COLEC12: variants seen among roughly 807,000 people sequenced by gnomAD.
The protein encoded by COLEC12 is collectin subfamily member 12.
COLEC12 carries 33 observed loss-of-function variants against 71.1 expected under a neutral mutation model. The observed-to-expected ratio is 0.46, with a 90% confidence interval of 0.35 to 0.62. The LOEUF is 0.62. Ranked by LOEUF, COLEC12 falls within the 20% of genes least tolerant of loss-of-function variation. COLEC12 has a pLI of 0.00. For missense variants in COLEC12, 765 were observed against 916.1 expected, an observed-to-expected ratio of 0.84 and a Z score of 2.13; for synonymous variants, 350 against 353.0, an observed-to-expected ratio of 0.99 and a Z score of 0.10.
chr18:478,132 C>G (rs988361418), intron 2 of COLEC12, among the ~76,000 whole-genome samples: 2 of 152,204 alleles, frequency 1.3e-5, no homozygotes, highest in African/African-American at 4.8e-5. Context: ...GCAGGGTCCC[C>G]CTCCACAACA....
chr18:492,383 C>G (rs550815925), intron 1 of COLEC12, among the ~76,000 whole-genome samples: 55 of 152,244 alleles, frequency 3.6e-4, no homozygotes, highest in Admixed American at 7.8e-4. Flanking sequence ...TACTTTTACC[C>G]CTAAGTTGGC....
chr18:332,900 T>C (rs1914016021), intron 7 of COLEC12, 107 bp downstream of exon 7: 1 of 1,018,758 alleles, frequency 9.8e-7, no homozygotes. Context: ...CATGTTTACG[T>C]GACTAGGAAT....
chr18:477,063 G>C (rs1198100065), intron 2 of COLEC12, among the ~76,000 whole-genome samples: 3 of 152,096 alleles, frequency 2.0e-5, no homozygotes, highest in Admixed American at 6.5e-5. Flanking sequence ...GAACAAGCTT[G>C]GTATATGGAA....
chr18:346,754 G>T lies in COLEC12; in HGVS notation c.868C>A (p.Leu290Ile). The T allele has an allele frequency of 6.2e-7, 1 of 1,614,216 alleles. No homozygotes were observed. The highest frequency in any genetic ancestry group is 1.1e-5 in the South Asian group (1 of 91,092). ...TCCATCTGACCTGTGAATGAGTTGA[G>T]CTGGCTGTTCATATCCTCCAGGGTG... ...NDTLEDMNSQ[L>I]NSFTGQMENI... is the part of the protein sequence containing the mutation. Residue 290 changes from leucine (L) to isoleucine (I), a missense_variant, in exon 5 of 10, where the codon CTC (leucine) becomes ATC (isoleucine). Physicochemically the swap from Leu to Ile is conservative, Grantham distance 5. Transcript: ENST00000400256. This position sits in a 1 kb window ranked among gnomAD's most constrained non-coding sequence, Gnocchi z 4.0.
intron 2 of COLEC12, among the ~76,000 whole-genome samples, chr18:384,578 A>T (rs766196711): frequency 3.3e-5 from 5 of 152,218 alleles, no homozygotes; most frequent in Non-Finnish European, 5.9e-5. Context: ...AGCAGGGAGT[A>T]GGAGGCACAG....
chr18:371,339 G>A (rs1914993998), intron 2 of COLEC12, among the ~76,000 whole-genome samples: 1 of 152,174 alleles, frequency 6.6e-6, no homozygotes, highest in African/African-American at 2.4e-5. Context: ...GCTTTATCCA[G>A]AGGACTACTG....
At chr18:487,914 T>C (rs72856645) in intron 1 of COLEC12, among the ~76,000 whole-genome samples, 5,319 of 152,266 alleles carry the variant, frequency 0.035, 126 homozygotes, top group South Asian at 0.077. Context: ...AATAAGACAG[T>C]TGAGGGTCAT....
intron 2 of COLEC12, among the ~76,000 whole-genome samples, chr18:411,457 G>A (rs1000833189): frequency 6.6e-6 from 1 of 152,040 alleles, no homozygotes; most frequent in African/African-American, 2.4e-5. Context: ...TCACTTCAAT[G>A]AGCAATTATT....
chr18:428,319 C>G (rs144716896), intron 2 of COLEC12, among the ~76,000 whole-genome samples: 3 of 151,906 alleles, frequency 2.0e-5, no homozygotes, highest in Admixed American at 2.0e-4. Context: ...TTACCACAGG[C>G]CTTGCCTTGT....
intron 5 of COLEC12, among the ~76,000 whole-genome samples, chr18:340,074 C>CAAAAAAAAAAAAAAAA (rs60991743): frequency 2.2e-3 from 210 of 94,116 alleles, no homozygotes; most frequent in Non-Finnish European, 2.8e-3. Context: ...TGCCTGAAAG[C>CAAAAAAAAAAAAAAAA]AAAAAAAAAA....
chr18:322,885 A>G (rs1249618055), intron 8 of COLEC12, among the ~76,000 whole-genome samples: 13 of 152,204 alleles, frequency 8.5e-5, no homozygotes, highest in Non-Finnish European at 1.9e-4. Context: ...GGGACAGGGT[A>G]GAACTGACTC....
At chr18:368,583 G>C (rs1223499913) in intron 2 of COLEC12, among the ~76,000 whole-genome samples, 1 of 150,928 alleles carries the variant, frequency 6.6e-6, no homozygotes, top group African/African-American at 2.4e-5. Flanking sequence ...AACAAAACAA[G>C]GCCGGGCGCG....
chr18:378,066 C>T (rs1192174208), intron 2 of COLEC12, among the ~76,000 whole-genome samples: 1 of 152,180 alleles, frequency 6.6e-6, no homozygotes, highest in Non-Finnish European at 1.5e-5. Context: ...AAAAATTTAA[C>T]AAACGCTCTG....
At chr18:336,321 A>G (rs1168726906) in intron 5 of COLEC12, among the ~76,000 whole-genome samples, 1 of 152,104 alleles carries the variant, frequency 6.6e-6, no homozygotes, top group Admixed American at 6.5e-5. Flanking sequence ...CAGGTGTCCA[A>G]ACTCTCTGGG....
At chr18:392,711 C>T (rs967509080) in intron 2 of COLEC12, among the ~76,000 whole-genome samples, 6 of 152,204 alleles carry the variant, frequency 3.9e-5, no homozygotes, top group African/African-American at 1.4e-4. Flanking sequence ...CTTTTATGGG[C>T]CCACTTCCAG....
chr18:328,239 G>C (rs560299262), intron 8 of COLEC12, among the ~76,000 whole-genome samples: 4 of 152,144 alleles, frequency 2.6e-5, no homozygotes, highest in African/African-American at 9.7e-5. Context: ...CACTGCTGGC[G>C]GCAGGGGAAA....
At chr18:366,901 G>A (rs1225084151) in intron 2 of COLEC12, among the ~76,000 whole-genome samples, 1 of 152,196 alleles carries the variant, frequency 6.6e-6, no homozygotes, top group African/African-American at 2.4e-5. Context: ...ACACTGATGA[G>A]AGCCCTTTCC....
chr18:367,113 G>C (rs896584115), intron 2 of COLEC12, among the ~76,000 whole-genome samples: 1 of 152,212 alleles, frequency 6.6e-6, no homozygotes, highest in Non-Finnish European at 1.5e-5. Flanking sequence ...ATAGGGCCAA[G>C]ATGAGAACTG....
chr18:360,971 A>G (rs7505153), intron 2 of COLEC12, among the ~76,000 whole-genome samples: 13,715 of 152,052 alleles, frequency 0.09, 772 homozygotes, highest in Admixed American at 0.15. Flanking sequence ...CAGATCTCCA[A>G]CTTCCACCCA....
Sources: gnomAD v4.1 joint callset for allele counts (sites outside exome capture counted in the v4.1 genomes callset) on GRCh38, gnomAD v4.1.1 for gene constraint, Gnocchi (gnomAD v3.1) non-coding constraint, MANE v1.5 for transcripts, NCBI Gene and HGNC (gene_info 2026-07-23, HGNC 2026-07-21) for gene names.